The following PRKAR1A variants were observed in gnomAD, a reference collection of about 807,000 sequenced individuals.
The protein encoded by PRKAR1A is protein kinase cAMP-dependent type I regulatory subunit alpha, also known as cAMP-dependent protein kinase type I-alpha regulatory subunit.
Under a neutral mutation model 52.0 loss-of-function variants are expected in PRKAR1A, and 3 were observed. The ratio of observed to expected loss-of-function variants is 0.06; its 90% CI spans 0.03 to 0.15. The LOEUF is 0.15. Ranked by LOEUF, PRKAR1A falls within the 10% of genes least tolerant of loss-of-function variation. PRKAR1A has a pLI of 1.00. For missense variants in PRKAR1A, 240 were observed against 477.4 expected (o/e 0.50, Z 4.63); for synonymous variants, 188 against 168.4 (o/e 1.12, Z -0.90).
the PRKAR1A span, chr17:68,451,004 G>T: frequency 7.0e-7 from 1 of 1,422,598 alleles, no homozygotes. Flanking sequence ...AAGGTTCTCC[G>T]GGTCTTGCCG....
chr17:68,494,516 G>C, the PRKAR1A span, among the ~76,000 whole-genome samples: 2 of 152,002 alleles, frequency 1.3e-5, no homozygotes, highest in Non-Finnish European at 2.9e-5. Context: ...ACTCCAGCCT[G>C]GGAGATAGAG....
chr17:68,524,688 A>T (rs1205003051), intron 5 of PRKAR1A, among the ~76,000 whole-genome samples: 2 of 152,136 alleles, frequency 1.3e-5, no homozygotes, highest in South Asian at 4.1e-4. Context: ...GCTTTTAAAA[A>T]TTTTTTTCAG....
chr17:68,540,218 C>T (rs1489384919), intron 11 of PRKAR1A, among the ~76,000 whole-genome samples: 1 of 152,232 alleles, frequency 6.6e-6, no homozygotes, highest in African/African-American at 2.4e-5. Context: ...CCTGCCCCTA[C>T]TCCAGCCTTT....
upstream of PRKAR1A, among the ~76,000 whole-genome samples, chr17:68,509,904 G>C (rs2085240426): frequency 6.6e-6 from 1 of 152,072 alleles, no homozygotes; most frequent in Non-Finnish European, 1.5e-5. Flanking sequence ...AGCTGAATGG[G>C]GACACACAGC....
In PRKAR1A at chr17:68,531,088, T is replaced by A; in HGVS notation, c.*639T>A. ...CTGCCTGGTTTTATTTATATCTTGT[T>A]ATTAATGTTTCTTCTCCAATTCTGA... On this transcript the variant is annotated 3_prime_UTR_variant, in exon 11 of 11. Transcript: ENST00000589228. 9.4e-7 allele frequency: 1 copy of A among 1,067,982 alleles called. No homozygotes were observed. Among genetic ancestry groups the A allele is most frequent in the South Asian group, 4.5e-5 (1 of 22,226 alleles). The allele number at this position is 1,067,982 out of a possible 1,614,324, so 66.2% of individuals were successfully genotyped here.
At chr17:68,465,630 T>TTTTTTTTTTTTG in the PRKAR1A span, among the ~76,000 whole-genome samples, 1 of 129,234 alleles carries the variant, frequency 7.7e-6, no homozygotes, top group African/African-American at 2.9e-5. Flanking sequence ...CAGCAATTTT[T>TTTTTTTTTTTTG]TTTTTTTTTT....
At chr17:68,529,324 A>G (rs983693747) in intron 9 of PRKAR1A, among the ~76,000 whole-genome samples, 3 of 152,190 alleles carry the variant, frequency 2.0e-5, no homozygotes, top group Non-Finnish European at 4.4e-5. Flanking sequence ...TGTTTGGGCT[A>G]TTTGGCAAAT....
At chr17:68,541,071 G>T in intron 11 of PRKAR1A, 2 of 1,482,824 alleles carry the variant, frequency 1.3e-6, no homozygotes, top group Non-Finnish European at 1.8e-6. Context: ...CCTGCCCTGG[G>T]CTGGTGGCAG....
At chr17:68,536,617 A>G (rs139909164), downstream of PRKAR1A, 1,047 of 452,278 alleles carry the variant, frequency 2.3e-3, 5 homozygotes, top group South Asian at 4.9e-3. Flanking sequence ...CTGGGGTCTT[A>G]GGGAAGAAGA....
At chr17:68,463,150 T>C in the PRKAR1A span, among the ~76,000 whole-genome samples, 2 of 152,116 alleles carry the variant, frequency 1.3e-5, no homozygotes, top group Admixed American at 1.3e-4. Context: ...CCCGAGATTC[T>C]TGGTGAACAG....
the PRKAR1A span, among the ~76,000 whole-genome samples, chr17:68,490,221 G>A: frequency 3.3e-5 from 5 of 152,246 alleles, no homozygotes. Context: ...GGCCCTCTGG[G>A]CAGTCCCATT....
intron 11 of PRKAR1A, chr17:68,541,762 A>G (rs909882642): frequency 2.1e-5 from 11 of 518,608 alleles, no homozygotes; most frequent in Middle Eastern, 5.1e-4. Context: ...TCTGTATCCC[A>G]TAACACCTAG....
At chr17:68,470,304 A>T in the PRKAR1A span, among the ~76,000 whole-genome samples, 8 of 151,868 alleles carry the variant, frequency 5.3e-5, no homozygotes, top group African/African-American at 1.9e-4. Flanking sequence ...CTGGTCTGAA[A>T]CTCCTGACTG....
At chr17:68,428,818 A>G in the PRKAR1A span, 2 of 1,599,486 alleles carry the variant, frequency 1.3e-6, no homozygotes, top group Non-Finnish European at 1.7e-6. Context: ...TTTGAAAAGC[A>G]GTCTCTTCAC....
intron 2 of PRKAR1A, among the ~76,000 whole-genome samples, chr17:68,516,728 T>A (rs1482872541): frequency 1.3e-5 from 2 of 149,110 alleles, no homozygotes; most frequent in South Asian, 4.2e-4. Flanking sequence ...TCAGAATAAT[T>A]AAAAAAAAAA....
chr17:68,468,076 A>AT, the PRKAR1A span, among the ~76,000 whole-genome samples: 12 of 151,576 alleles, frequency 7.9e-5, 1 homozygote, highest in East Asian at 1.2e-3. Flanking sequence ...ATAGATATAC[A>AT]TTTTTTTTAG....
chr17:68,455,235 C>A, the PRKAR1A span, among the ~76,000 whole-genome samples: 1 of 151,666 alleles, frequency 6.6e-6, no homozygotes, highest in East Asian at 1.9e-4. Flanking sequence ...TGGTGGTACA[C>A]GTTTGTAATC....
the PRKAR1A span, among the ~76,000 whole-genome samples, chr17:68,455,695 C>A: frequency 2.0e-5 from 3 of 152,204 alleles, no homozygotes; most frequent in Non-Finnish European, 4.4e-5. Flanking sequence ...AGGAAATTAA[C>A]TTTCAAAGCA....
chr17:68,416,758 T>C, the PRKAR1A span, among the ~76,000 whole-genome samples: 1 of 151,506 alleles, frequency 6.6e-6, no homozygotes, highest in African/African-American at 2.4e-5. Context: ...TTCAATTCTA[T>C]TGCTGAGACT....
Sources: allele counts gnomAD v4.1 joint callset (sites outside exome capture counted in the v4.1 genomes callset), GRCh38; gene constraint gnomAD v4.1.1; transcripts MANE v1.5; gene names NCBI Gene and HGNC (gene_info 2026-07-23, HGNC 2026-07-21).